Variants in EPHB1 observed in about 807,000 individuals in gnomAD.
EPHB1 encodes EPH receptor B1.
In EPHB1, 30 loss-of-function variants were observed where a neutral mutation model predicts 94.4. The observed-to-expected ratio is 0.32, with a 90% CI of 0.24 to 0.43. The LOEUF is 0.43. EPHB1 is among the 20% of genes least tolerant of loss of function. The probability of loss-of-function intolerance (pLI) is 1.00; values close to 1 mark genes in which losing one functional copy is unlikely to be tolerated. For missense variants in EPHB1, 1,055 were observed against 1,308.3 expected, an observed-to-expected ratio of 0.81 and a Z score of 2.99; for synonymous variants, 522 against 489.1, an observed-to-expected ratio of 1.07 and a Z score of -0.89.
intron 4 of EPHB1, among the ~76,000 whole-genome samples, chr3:135,121,297 A>G (rs1001059406): frequency 6.6e-6 from 1 of 152,196 alleles, no homozygotes; most frequent in African/African-American, 2.4e-5. Flanking sequence ...CCAGATCTGA[A>G]TCTCCACACT....
intron 12 of EPHB1, among the ~76,000 whole-genome samples, chr3:135,226,082 G>T (rs1223716628): frequency 1.3e-5 from 2 of 152,242 alleles, no homozygotes; most frequent in Non-Finnish European, 2.9e-5. Context: ...CCCCAAGTGG[G>T]GTTTCTGTAG....
At chr3:135,222,578 C>T (rs1315939986) in intron 12 of EPHB1, among the ~76,000 whole-genome samples, 3 of 152,118 alleles carry the variant, frequency 2.0e-5, no homozygotes, top group Admixed American at 6.6e-5. Context: ...TGGCCGGCTT[C>T]GTGGTTTCCA....
intron 1 of EPHB1, among the ~76,000 whole-genome samples, chr3:134,910,492 C>A (rs141945085): frequency 1.3e-5 from 2 of 152,308 alleles, no homozygotes; most frequent in East Asian, 3.9e-4. Flanking sequence ...GATCTCAGGA[C>A]ATGCTGGATG....
intron 1 of EPHB1, among the ~76,000 whole-genome samples, chr3:134,913,629 C>T (rs2038503682): frequency 6.6e-6 from 1 of 152,222 alleles, no homozygotes; most frequent in Non-Finnish European, 1.5e-5. Flanking sequence ...ACCCCCAAGC[C>T]ATCAACCAGT....
chr3:135,008,937 T>A (rs570343176), intron 3 of EPHB1, among the ~76,000 whole-genome samples: 1 of 152,272 alleles, frequency 6.6e-6, no homozygotes, highest in East Asian at 1.9e-4. Context: ...TTAGAAAGAT[T>A]GAGTGCATTC....
At chr3:134,974,169 A>T (rs1934091649) in intron 3 of EPHB1, among the ~76,000 whole-genome samples, 1 of 152,126 alleles carries the variant, frequency 6.6e-6, no homozygotes, top group Non-Finnish European at 1.5e-5. Flanking sequence ...ACATCTTCCT[A>T]AATCCAAGAC....
At chr3:134,816,207 C>T (rs1238102108) in intron 1 of EPHB1, among the ~76,000 whole-genome samples, 4 of 151,630 alleles carry the variant, frequency 2.6e-5, no homozygotes, top group African/African-American at 7.3e-5. Context: ...CTCAGCCTCC[C>T]GAGTAGCTGG....
chr3:135,019,704 A>G (rs960320071), intron 3 of EPHB1, among the ~76,000 whole-genome samples: 1 of 152,224 alleles, frequency 6.6e-6, no homozygotes, highest in African/African-American at 2.4e-5. Context: ...CTATCATTAA[A>G]TTTATTGGAA....
At chr3:135,082,588 C>T (rs549203331) in intron 3 of EPHB1, among the ~76,000 whole-genome samples, 1 of 152,210 alleles carries the variant, frequency 6.6e-6, no homozygotes, top group African/African-American at 2.4e-5. Flanking sequence ...GACATGCCAA[C>T]TGGAAAATGA....
chr3:135,074,007 C>T (rs1244735016), intron 3 of EPHB1, among the ~76,000 whole-genome samples: 1 of 152,192 alleles, frequency 6.6e-6, no homozygotes, highest in Non-Finnish European at 1.5e-5. Context: ...TGATTTTTCT[C>T]TCTGTGATGT....
chr3:135,208,436 A>G (rs1942958267), intron 12 of EPHB1, among the ~76,000 whole-genome samples: 1 of 151,924 alleles, frequency 6.6e-6, no homozygotes, highest in Non-Finnish European at 1.5e-5. Context: ...TCCTTCCAAT[A>G]TCTTTCCTTG....
At chr3:135,133,755 T>A (rs1940512079) in intron 5 of EPHB1, among the ~76,000 whole-genome samples, 1 of 152,208 alleles carries the variant, frequency 6.6e-6, no homozygotes, top group African/African-American at 2.4e-5. Flanking sequence ...CCTCTTTATT[T>A]CTGAATCTTA....
chr3:135,121,828 G>A (rs1196749400), intron 4 of EPHB1, among the ~76,000 whole-genome samples: 2 of 151,710 alleles, frequency 1.3e-5, no homozygotes, highest in Non-Finnish European at 2.9e-5. Flanking sequence ...TAATTGTACA[G>A]GTGTGCACTT....
chr3:135,238,436 G>C (rs1488953114), intron 12 of EPHB1, among the ~76,000 whole-genome samples: 1 of 152,174 alleles, frequency 6.6e-6, no homozygotes, highest in Non-Finnish European at 1.5e-5. Context: ...CTTGCCGTGG[G>C]CCAGGCACTG....
At chr3:135,020,353 C>T (rs79488776) in intron 3 of EPHB1, among the ~76,000 whole-genome samples, 3,150 of 152,202 alleles carry the variant, frequency 0.021, 103 homozygotes, top group African/African-American at 0.072. Flanking sequence ...GTGCAACCAT[C>T]GCCACAATCA....
chr3:135,062,259 A>G (rs1937522968), intron 3 of EPHB1, among the ~76,000 whole-genome samples: 1 of 152,136 alleles, frequency 6.6e-6, no homozygotes, highest in Non-Finnish European at 1.5e-5. Flanking sequence ...TATTTAAGGA[A>G]TCTCCACACT....
chr3:135,150,793 C>A (rs1049803718), intron 5 of EPHB1, among the ~76,000 whole-genome samples: 2 of 152,240 alleles, frequency 1.3e-5, no homozygotes, highest in African/African-American at 4.8e-5. Flanking sequence ...GGTGACTCCA[C>A]ATTGGTCTCC....
At chr3:134,959,567 T>G (rs1013186273) in intron 3 of EPHB1, among the ~76,000 whole-genome samples, 2 of 152,220 alleles carry the variant, frequency 1.3e-5, no homozygotes, top group African/African-American at 4.8e-5. Flanking sequence ...GGTTACACAT[T>G]TCTGCACTGT....
At chr3:135,231,340 C>A (rs1050707181) in intron 12 of EPHB1, among the ~76,000 whole-genome samples, 3 of 152,148 alleles carry the variant, frequency 2.0e-5, no homozygotes, top group African/African-American at 7.2e-5. Context: ...CAGTATAGTA[C>A]AGAAAAATGA....
Sources: gnomAD v4.1 joint callset for allele counts (sites outside exome capture counted in the v4.1 genomes callset) on GRCh38, gnomAD v4.1.1 for gene constraint, MANE v1.5 for transcripts, NCBI Gene and HGNC (gene_info 2026-07-23, HGNC 2026-07-21) for gene names.